The following ADGRG3 variants were observed in gnomAD, a reference collection of about 807,000 sequenced individuals.
The protein encoded by ADGRG3 is G protein-coupled receptor 97.
In ADGRG3, 39 loss-of-function variants were observed where a neutral mutation model predicts 54.3. That is an observed-to-expected ratio of 0.72 (90% CI 0.56 to 0.94). The LOEUF is 0.94. Among genes scored for constraint, ADGRG3 ranks in the 40% least tolerant of loss-of-function variants. ADGRG3 has a pLI of 0.00. For synonymous variants in ADGRG3, 312 were observed against 290.0 expected (o/e 1.08, Z -0.77); for missense variants, 654 against 694.6 (o/e 0.94, Z 0.66).
intron 7 of ADGRG3, 21 bp from the exon 8 acceptor site, chr16:57,680,484 C>T (rs751832981): frequency 1.6e-5 from 25 of 1,600,692 alleles, no homozygotes; most frequent in South Asian, 1.2e-4. Context: ...GACGTGGTCC[C>T]GGTTCTGGGG....
At chr16:57,684,245 C>A (rs2048429551) in intron 9 of ADGRG3, 33 bp downstream of exon 9, 2 of 1,597,846 alleles carry the variant, frequency 1.3e-6, no homozygotes, top group Non-Finnish European at 1.7e-6. Flanking sequence ...GAATAAACGG[C>A]CGGCCCTGAG....
chr16:57,679,070 C>T (rs1327636340), intron 4 of ADGRG3, 107 bp from the exon 5 acceptor site: 4 of 1,340,868 alleles, frequency 3.0e-6, no homozygotes, highest in Non-Finnish European at 4.1e-6. Flanking sequence ...CGAACTCTGC[C>T]CTCCAAGCAA....
At chr16:57,684,542 C>A in intron 10 of ADGRG3, 59 bp downstream of exon 10, 1 of 1,283,890 alleles carries the variant, frequency 7.8e-7, no homozygotes, top group Non-Finnish European at 1.1e-6. Flanking sequence ...CATATTGGGG[C>A]TGGAGAGAGG....
intron 4 of ADGRG3, chr16:57,678,950 AG>A: frequency 1.7e-6 from 1 of 581,960 alleles, no homozygotes; most frequent in Non-Finnish European, 3.1e-6. Flanking sequence ...GAGAGCTGTC[AG>A]GTGCACAGCT....
chr16:57,680,453 A>G, intron 7 of ADGRG3, 52 bp from the exon 8 acceptor site: 3 of 1,571,076 alleles, frequency 1.9e-6, no homozygotes, highest in Non-Finnish European at 2.6e-6. Flanking sequence ...GTCTTTGGGT[A>G]TATGGGCCTG....
intron 5 of ADGRG3, among the ~76,000 whole-genome samples, chr16:57,679,524 C>T (rs2048324809): frequency 6.6e-6 from 1 of 152,152 alleles, no homozygotes; most frequent in Non-Finnish European, 1.5e-5. Context: ...CCTGCATACA[C>T]ATGGCATTCC....
At chr16:57,685,527 A>C (rs1352408908) in intron 10 of ADGRG3, 116 bp from the exon 11 acceptor site, 2 of 977,680 alleles carry the variant, frequency 2.0e-6, no homozygotes, top group East Asian at 4.8e-5. Context: ...CCAGGGATTG[A>C]TGGGTGGAAA....
intron 11 of ADGRG3, 29 bp downstream of exon 11, chr16:57,685,955 G>A (rs766165504): frequency 7.5e-6 from 12 of 1,608,238 alleles, no homozygotes; most frequent in Non-Finnish European, 9.4e-6. Flanking sequence ...GGAGGTGATG[G>A]GCTGTGTTGT....
At chr16:57,668,553 CA>C in intron 1 of ADGRG3, 148 bp downstream of exon 1, 1 of 697,738 alleles carries the variant, frequency 1.4e-6, no homozygotes, top group Admixed American at 2.2e-5. Context: ...GTGGCCGCCT[CA>C]GCACCTTCTC....
chr16:57,682,513 CA>C, intron 8 of ADGRG3: 1 of 985,440 alleles, frequency 1.0e-6, no homozygotes, highest in Non-Finnish European at 1.2e-6. Context: ...TCCCCATCCC[CA>C]ACAAGCCGAG....
chr16:57,686,103 AT>A lies in ADGRG3; in HGVS notation c.1540+179del, dbSNP rs1401168239. On this transcript the variant is annotated intron_variant, in intron 11 of 11. Transcript: ENST00000333493. ...CAGGGCAGCAAAGTTTGGCTGCTGTATTAGTCCGTTTGTGTTACTAGAATAC... is the reference window on the plus strand; with the variant it reads ...CAGGGCAGCAAAGTTTGGCTGCTGTATAGTCCGTTTGTGTTACTAGAATAC... 6.5e-5 allele frequency: 42 copies of A among 641,892 alleles called. No individual in the cohort carries two copies. In the African/African-American group the frequency reaches 6.9e-4, roughly 11 times the overall value. The allele number at this position is 641,892 out of a possible 1,614,324, so 39.8% of individuals were successfully genotyped here. A position where few individuals can be genotyped will look rare whatever the true frequency, so the allele number is the denominator to read the frequency against.
chr16:57,676,171 A>G, intron 2 of ADGRG3, 29 bp from the exon 3 acceptor site: 2 of 1,609,754 alleles, frequency 1.2e-6, no homozygotes, highest in African/African-American at 2.7e-5. Context: ...GCAGGATCCT[A>G]CCCTCCCCCC....
intron 2 of ADGRG3, among the ~76,000 whole-genome samples, chr16:57,673,920 G>A (rs7186179): frequency 0.2 from 30,735 of 152,116 alleles, 3,918 homozygotes; most frequent in African/African-American, 0.37. Context: ...GGGGATAACT[G>A]CAATGCTTTG....
chr16:57,670,608 T>TA (rs2048138136), intron 1 of ADGRG3, among the ~76,000 whole-genome samples: 1 of 151,890 alleles, frequency 6.6e-6, no homozygotes, highest in African/African-American at 2.4e-5. Context: ...ACATAGATCA[T>TA]ACTATATTCA....
upstream of ADGRG3, among the ~76,000 whole-genome samples, chr16:57,667,968 T>G (rs1278144263): frequency 6.6e-6 from 1 of 152,224 alleles, no homozygotes; most frequent in African/African-American, 2.4e-5. Context: ...AGGAGGGGTC[T>G]GAGTAGGTGC....
intron 4 of ADGRG3, chr16:57,678,533 A>C: frequency 1.2e-5 from 7 of 560,532 alleles, no homozygotes; most frequent in Non-Finnish European, 2.2e-5. Context: ...CAGATGTTTG[A>C]CCCCCACACA....
At position 57,680,636 on chromosome 16, in the gene ADGRG3, C is replaced by T. The variant is rs1194022888; in HGVS notation, c.881+19C>T. The T allele has an allele frequency of 6.7e-6, 10 of 1,490,272 alleles. No individual in the cohort carries two copies. The highest frequency in any genetic ancestry group is 5.0e-5 in the Admixed American group (3 of 59,800). The allele number at this position is 1,490,272 out of a possible 1,614,324, so 92.3% of individuals were successfully genotyped here. A position where few individuals can be genotyped will look rare whatever the true frequency, so the allele number is the denominator to read the frequency against. On this transcript the variant is annotated intron_variant, in intron 8 of 11. Transcript: ENST00000333493. ...TTCTGAGGTGAGTGATCCCCACCTC[C>T]CCACCATGTCTCCCTCCCGCCCTCA...
intron 5 of ADGRG3, 76 bp from the exon 6 acceptor site, chr16:57,679,740 C>A: frequency 1.7e-6 from 2 of 1,164,626 alleles, no homozygotes; most frequent in Non-Finnish European, 2.6e-6. Flanking sequence ...CGGGGGAGCA[C>A]ACCGTCCTCC....
At chr16:57,675,925 G>A (rs2048254160) in intron 2 of ADGRG3, among the ~76,000 whole-genome samples, 2 of 152,156 alleles carry the variant, frequency 1.3e-5, no homozygotes, top group South Asian at 2.1e-4. Context: ...CCATTGAATT[G>A]GACACTTTAA....
Sources: allele counts gnomAD v4.1 joint callset (sites outside exome capture counted in the v4.1 genomes callset), GRCh38; gene constraint gnomAD v4.1.1; transcripts MANE v1.5; gene names NCBI Gene and HGNC (gene_info 2026-07-23, HGNC 2026-07-21).